Variants in RNF214 observed in about 807,000 individuals in gnomAD.
RNF214 encodes ring finger protein 214.
RNF214 carries 25 observed loss-of-function variants against 75.9 expected under a neutral mutation model. The observed-to-expected ratio is 0.33, with a 90% CI of 0.24 to 0.46. The LOEUF is 0.46. Among genes scored for constraint, RNF214 ranks in the 20% least tolerant of loss-of-function variants. The pLI, the probability that RNF214 is intolerant of heterozygous loss-of-function variation, is 1.00. For missense variants in RNF214, 725 were observed against 857.5 expected, an observed-to-expected ratio of 0.85 and a Z score of 1.93; for synonymous variants, 314 against 308.8, an observed-to-expected ratio of 1.02 and a Z score of -0.18.
chr11:117,244,147 A>G (rs544770404), intron 4 of RNF214, among the ~76,000 whole-genome samples: 11 of 151,866 alleles, frequency 7.2e-5, no homozygotes, highest in African/African-American at 2.4e-4. Flanking sequence ...ATGCCCAGCT[A>G]ATTTTTGTAT....
At chr11:117,258,304 T>C (rs1340732705) in intron 6 of RNF214, among the ~76,000 whole-genome samples, 1 of 152,074 alleles carries the variant, frequency 6.6e-6, no homozygotes, top group Non-Finnish European at 1.5e-5. Context: ...CTTGATGTCA[T>C]GATCCACCCA....
At chr11:117,242,177 A>T (rs1329051184) in intron 4 of RNF214, among the ~76,000 whole-genome samples, 1 of 152,180 alleles carries the variant, frequency 6.6e-6, no homozygotes, top group East Asian at 1.9e-4. Flanking sequence ...AAGTATATGG[A>T]TATCTAAATG....
chr11:117,284,792 C>T (rs1404827084), intron 14 of RNF214, among the ~76,000 whole-genome samples: 1 of 151,958 alleles, frequency 6.6e-6, no homozygotes, highest in Admixed American at 6.6e-5. Context: ...TAGCCAGGAA[C>T]GGTGGTGAAC....
At chr11:117,236,199 G>T (rs1262800054) in intron 2 of RNF214, among the ~76,000 whole-genome samples, 1 of 151,854 alleles carries the variant, frequency 6.6e-6, no homozygotes, top group Non-Finnish European at 1.5e-5. Flanking sequence ...GACCTCAAGT[G>T]ATCTGTCCGT....
intron 5 of RNF214, among the ~76,000 whole-genome samples, chr11:117,246,133 T>G (rs2134367505): frequency 6.6e-6 from 1 of 152,236 alleles, no homozygotes; most frequent in Non-Finnish European, 1.5e-5. Context: ...CCTGGCTAAT[T>G]TTTTTTATTT....
At chr11:117,278,517 T>C (rs1000429346) in intron 6 of RNF214, among the ~76,000 whole-genome samples, 1 of 152,134 alleles carries the variant, frequency 6.6e-6, no homozygotes, top group Non-Finnish European at 1.5e-5. Context: ...TCTATAGTTC[T>C]GAGTAGGGTG....
rs1206552725 is a variant in RNF214 at position 117,232,676 on chromosome 11, A to ACCCCTCCCCCCGTGGCTCGGCCGC, written c.-44_-21dup. 5.5e-5 allele frequency: 8 copies of ACCCCTCCCCCCGTGGCTCGGCCGC among 144,950 alleles called. No homozygotes were observed. Among genetic ancestry groups the ACCCCTCCCCCCGTGGCTCGGCCGC allele is most frequent in the Admixed American group, 2.7e-4 (4 of 14,772 alleles). 9.0% of individuals were successfully genotyped at this position (144,950 alleles called of 1,614,324 possible). On this transcript the variant is annotated 5_prime_UTR_variant, in exon 1 of 15. Transcript: ENST00000300650. The stretch of plus-strand genomic sequence containing the variant: ...GGTGCCGCGCGCGGGCCGGCGCTCG[A>ACCCCTCCCCCCGTGGCTCGGCCGC]CCCCTCCCCCCGTGGCTCGGCCGCC...
intron 2 of RNF214, among the ~76,000 whole-genome samples, chr11:117,235,335 T>G (rs181013890): frequency 6.6e-6 from 1 of 151,670 alleles, no homozygotes; most frequent in East Asian, 1.9e-4. Flanking sequence ...TAGCTGGGAC[T>G]ACAGGCGCCC....
chr11:117,233,879 G>T (rs112066721), intron 1 of RNF214, among the ~76,000 whole-genome samples: 1 of 152,212 alleles, frequency 6.6e-6, no homozygotes, highest in South Asian at 2.1e-4. Context: ...AAAAACATGA[G>T]ATCTGATTGA....
intron 6 of RNF214, among the ~76,000 whole-genome samples, chr11:117,268,573 C>T (rs1403384106): frequency 1.3e-5 from 2 of 152,114 alleles, no homozygotes; most frequent in East Asian, 1.9e-4. Context: ...TCCATTACAT[C>T]GATCTGTTTG....
chr11:117,282,888 A>T, intron 13 of RNF214, 38 bp downstream of exon 13: 1 of 1,499,330 alleles, frequency 6.7e-7, no homozygotes, highest in Non-Finnish European at 9.3e-7. Flanking sequence ...GATATGGAGA[A>T]GCTGGAGGTG....
chr11:117,273,783 G>A (rs1036611763), intron 6 of RNF214, among the ~76,000 whole-genome samples: 3 of 152,168 alleles, frequency 2.0e-5, no homozygotes, highest in African/African-American at 4.8e-5. Context: ...GTTGGGATAC[G>A]GGGGATGAAA....
chr11:117,282,693 T>C (rs2034153277), intron 12 of RNF214, 53 bp from the exon 13 acceptor site: 11 of 1,564,380 alleles, frequency 7.0e-6, no homozygotes, highest in African/African-American at 5.4e-5. Flanking sequence ...TTTTGTGATA[T>C]GCTCTGTTAC....
intron 6 of RNF214, 120 bp downstream of exon 6, chr11:117,247,068 A>C: frequency 7.6e-6 from 6 of 794,648 alleles, no homozygotes; most frequent in Non-Finnish European, 1.1e-5. Context: ...ACAAGTGTAC[A>C]AGTAAAAACT....
intron 6 of RNF214, among the ~76,000 whole-genome samples, chr11:117,275,277 A>G (rs900665883): frequency 6.6e-6 from 1 of 152,208 alleles, no homozygotes; most frequent in African/African-American, 2.4e-5. Flanking sequence ...AGGGAAGTTT[A>G]TAGTGCCAAA....
intron 5 of RNF214, among the ~76,000 whole-genome samples, 187 bp downstream of exon 5, chr11:117,244,772 CT>C (rs1249809991): frequency 6.6e-6 from 1 of 151,868 alleles, no homozygotes; most frequent in East Asian, 1.9e-4. Flanking sequence ...CTTAAGTGAT[CT>C]TCCCACCTCA....
chr11:117,281,436 G>C, intron 9 of RNF214, 32 bp downstream of exon 9: 1 of 1,539,910 alleles, frequency 6.5e-7, no homozygotes, highest in Non-Finnish European at 9.0e-7. Context: ...CATTCAGTCA[G>C]TGTTAGTCTG....
intron 6 of RNF214, 60 bp from the exon 7 acceptor site, chr11:117,279,848 G>C: frequency 3.0e-6 from 4 of 1,331,322 alleles, no homozygotes; most frequent in Non-Finnish European, 4.2e-6. Flanking sequence ...TTTTGCCCTG[G>C]TATCTCTCAA....
rs1419215469 is a variant in RNF214, at chr11:117,282,457, C to T, written c.1766C>T (p.Ala589Val). ...QQIKTARTTM[A>V]GLTMEELIQL... ...ATCAAGACAGCACGTACCACCATGG[C>T]AGGCCTGACCATGGAGGAACTTATC... Residue 589 changes from alanine to valine, a missense_variant, in exon 12 of 15, where the codon GCA (alanine) becomes GTA (valine). Physicochemically the swap from Ala to Val is moderately conservative, Grantham distance 64. This residue lies in a region of RNF214 where 363 missense variants were observed against 513.0 expected (regional missense o/e 0.71). Transcript: ENST00000300650. 5 of 1,614,100 alleles carry T rather than the reference C, an allele frequency of 3.1e-6. No individual in the cohort carries two copies. Among genetic ancestry groups the T allele is most frequent in the Admixed American group, 1.7e-5 (1 of 60,008 alleles).
Sources: gnomAD v4.1 joint callset for allele counts (sites outside exome capture counted in the v4.1 genomes callset) on GRCh38, gnomAD v4.1.1 for gene constraint, gnomAD v4.1.1 regional missense constraint, MANE v1.5 for transcripts, NCBI Gene and HGNC (gene_info 2026-07-23, HGNC 2026-07-21) for gene names.